The following SHPRH variants were observed in gnomAD, a reference collection of about 807,000 sequenced individuals.
SHPRH encodes the protein SNF2 histone linker PHD RING helicase.
A neutral mutation model predicts 202.5 loss-of-function variants in SHPRH; 106 were observed. That is an observed-to-expected ratio of 0.52 (90% CI 0.45 to 0.62). The LOEUF (loss-of-function observed/expected upper bound fraction) is 0.62, where lower values mean the gene tolerates loss of function less well. Ranked by LOEUF, SHPRH falls within the 20% of genes least tolerant of loss-of-function variation. The pLI is 0.00. For missense variants in SHPRH, 1,710 were observed against 2,020.0 expected, an observed-to-expected ratio of 0.85 and a Z score of 2.94; for synonymous variants, 729 against 686.0, an observed-to-expected ratio of 1.06 and a Z score of -0.98.
At chr6:145,936,940 A>T (rs1481837630) in intron 11 of SHPRH, among the ~76,000 whole-genome samples, 1 of 151,446 alleles carries the variant, frequency 6.6e-6, no homozygotes, top group Admixed American at 6.6e-5. Context: ...AACTTGCCGA[A>T]ATCTCAAATT....
At chr6:145,887,848 CAA>C (rs1483119364) in intron 29 of SHPRH, among the ~76,000 whole-genome samples, 170 bp downstream of exon 29, 5 of 152,122 alleles carry the variant, frequency 3.3e-5, no homozygotes, top group African/African-American at 1.2e-4. Flanking sequence ...TTCAAATATA[CAA>C]AGTCTGGAGC....
At chr6:145,887,540 T>G (rs927181563) in intron 29 of SHPRH, among the ~76,000 whole-genome samples, 3 of 148,572 alleles carry the variant, frequency 2.0e-5, no homozygotes, top group East Asian at 3.9e-4. Flanking sequence ...TTTGTTTTTT[T>G]TTTTTTTTTT....
intron 1 of SHPRH, among the ~76,000 whole-genome samples, chr6:145,957,432 T>C (rs1214320309): frequency 2.0e-5 from 3 of 152,096 alleles, no homozygotes; most frequent in African/African-American, 7.2e-5. Flanking sequence ...AAGTCACAGA[T>C]GGGAGAAAAT....
intron 25 of SHPRH, among the ~76,000 whole-genome samples, chr6:145,898,701 T>C (rs960642202): frequency 6.6e-6 from 1 of 152,128 alleles, no homozygotes; most frequent in African/African-American, 2.4e-5. Flanking sequence ...TCTCTCTTTG[T>C]ACCTGTCTGC....
chr6:145,877,425 G>C (rs970673387), intron 2 of SHPRH, among the ~76,000 whole-genome samples: 4 of 152,116 alleles, frequency 2.6e-5, no homozygotes, highest in African/African-American at 7.2e-5. Flanking sequence ...TACAAACCAT[G>C]GATCCTCATC....
chr6:145,957,643 A>C (rs1391578174), intron 1 of SHPRH, among the ~76,000 whole-genome samples: 1 of 152,178 alleles, frequency 6.6e-6, no homozygotes, highest in African/African-American at 2.4e-5. Flanking sequence ...TTCAACCCAC[A>C]AATCACAATG....
At chr6:145,923,538 T>C in intron 18 of SHPRH, 105 bp downstream of exon 18, 2 of 1,389,256 alleles carry the variant, frequency 1.4e-6, no homozygotes, top group Non-Finnish European at 1.9e-6. Flanking sequence ...GGTTTATGAA[T>C]GGAGAAAAAA....
chr6:145,896,633 T>C (rs2247429), intron 25 of SHPRH, among the ~76,000 whole-genome samples: 55,576 of 151,748 alleles, frequency 0.37, 10,682 homozygotes, highest in South Asian at 0.48. Flanking sequence ...AGTTACTTCC[T>C]ACTTTCCTAG....
At chr6:145,943,830 T>C (rs1787068411) in intron 8 of SHPRH, 28 bp from the exon 9 acceptor site, 1 of 1,515,882 alleles carries the variant, frequency 6.6e-7, no homozygotes, top group Admixed American at 2.3e-5. Flanking sequence ...AATTAATTGA[T>C]TGCAACTAGT....
chr6:145,903,097 A>T (rs1357939461), intron 25 of SHPRH, among the ~76,000 whole-genome samples: 1 of 152,014 alleles, frequency 6.6e-6, no homozygotes, highest in Non-Finnish European at 1.5e-5. Context: ...AACAAAAAAT[A>T]TACAACTGCA....
At chr6:145,879,888 G>A (rs2253886), downstream of SHPRH, among the ~76,000 whole-genome samples, 52,266 of 142,528 alleles carry the variant, frequency 0.37, 10,075 homozygotes, top group South Asian at 0.48. Flanking sequence ...CTCCAGCCTG[G>A]GTAACGAGTG....
chr6:145,858,457 C>T, the SHPRH span, among the ~76,000 whole-genome samples: 1 of 151,636 alleles, frequency 6.6e-6, no homozygotes, highest in African/African-American at 2.4e-5. Flanking sequence ...AAAGCCATAC[C>T]AAAAAAAGTG....
At chr6:145,917,575 T>C (rs1784068228) in intron 23 of SHPRH, 1 of 136,660 alleles carries the variant, frequency 7.3e-6, no homozygotes, top group African/African-American at 2.8e-5. Context: ...TAGAAGGTTC[T>C]CTGCCAACTA....
At chr6:145,903,094 A>C (rs1583341366) in intron 25 of SHPRH, among the ~76,000 whole-genome samples, 1 of 152,040 alleles carries the variant, frequency 6.6e-6, no homozygotes, top group African/African-American at 2.4e-5. Context: ...TTTAACAAAA[A>C]ATATACAACT....
At chr6:145,910,687 T>A (rs570919947) in intron 24 of SHPRH, 51 bp from the exon 25 acceptor site, 1 of 1,445,004 alleles carries the variant, frequency 6.9e-7, no homozygotes, top group Non-Finnish European at 9.2e-7. Flanking sequence ...GCCTTACAAT[T>A]TATAAGCATA....
Position 145,940,763 on chromosome 6 carries a change from T to C in SHPRH, c.2529A>G (p.Arg843=), listed in dbSNP as rs2128778156. 6.2e-7 allele frequency: 1 copy of C among 1,613,778 alleles called. No individual in the cohort carries two copies. Among genetic ancestry groups the C allele is most frequent in the Non-Finnish European group, 8.5e-7 (1 of 1,179,832 alleles). The part of the protein sequence containing the change: ...EMAQRLSGIN[R]WCISGTPVQR... ...GTACTGGAGTGCCACTGATACACCA[T>C]CGATTAATCCCACTCAAACGCTGGG... Residue 843 remains arginine (R), a synonymous_variant, in exon 11 of 30, where the codon CGA becomes CGG. Coordinates refer to ENST00000275233, the MANE Select transcript of SHPRH (RefSeq NM_001042683.3).
chr6:145,923,194 G>A (rs1197183995), intron 18 of SHPRH, among the ~76,000 whole-genome samples: 2 of 151,750 alleles, frequency 1.3e-5, no homozygotes, highest in African/African-American at 4.8e-5. Flanking sequence ...ATGAGGAGGT[G>A]CCTGCAGGAT....
At chr6:145,949,914 G>A (rs1787800675) in intron 4 of SHPRH, among the ~76,000 whole-genome samples, 1 of 152,038 alleles carries the variant, frequency 6.6e-6, no homozygotes, top group Admixed American at 6.6e-5. Flanking sequence ...TACATTGTGA[G>A]TTTCTTGCAG....
chr6:145,868,204 A>G (rs896170417), intron 2 of SHPRH, among the ~76,000 whole-genome samples: 1 of 152,084 alleles, frequency 6.6e-6, no homozygotes, highest in African/African-American at 2.4e-5. Flanking sequence ...TGGCAGTCCA[A>G]TTGGATTAGG....
Sources: gnomAD v4.1 joint callset for allele counts (sites outside exome capture counted in the v4.1 genomes callset) on GRCh38, gnomAD v4.1.1 for gene constraint, MANE v1.5 for transcripts, NCBI Gene and HGNC (gene_info 2026-07-23, HGNC 2026-07-21) for gene names.